The following TUSC3 variants were observed in gnomAD, a reference collection of about 807,000 sequenced individuals.
TUSC3 encodes the protein dolichyl-diphosphooligosaccharide--protein glycosyltransferase subunit TUSC3.
In TUSC3, 45 loss-of-function variants were observed where a neutral mutation model predicts 44.8. That is an observed-to-expected ratio of 1.00 (90% CI 0.79 to 1.29). TUSC3 has a LOEUF of 1.29. Ranked by LOEUF, TUSC3 falls within the 50% of genes most tolerant of loss-of-function variation. The pLI, the probability that TUSC3 is intolerant of heterozygous loss-of-function variation, is 0.00. For synonymous variants in TUSC3, 212 were observed against 152.9 expected (o/e 1.39, Z -2.85); for missense variants, 519 against 437.9 (o/e 1.19, Z -1.65).
intron 1 of TUSC3, among the ~76,000 whole-genome samples, chr8:15,417,796 C>T (rs1462563516): frequency 6.6e-6 from 1 of 152,076 alleles, no homozygotes; most frequent in African/African-American, 2.4e-5. Flanking sequence ...TCCTGATTGG[C>T]GTTGGCTTAT....
intron 2 of TUSC3, among the ~76,000 whole-genome samples, chr8:15,486,563 G>C (rs538983707): frequency 1.3e-5 from 2 of 152,068 alleles, no homozygotes; most frequent in African/African-American, 4.8e-5. Context: ...TTCTGCCTCA[G>C]CCTCCCAAGT....
At chr8:15,602,749 T>G (rs1175802984) in intron 1 of TUSC3, among the ~76,000 whole-genome samples, 1 of 151,292 alleles carries the variant, frequency 6.6e-6, no homozygotes, top group African/African-American at 2.4e-5. Context: ...ATATGGGTTG[T>G]ATGGAACCTA....
chr8:15,667,816 T>C (rs1346420963), intron 5 of TUSC3, among the ~76,000 whole-genome samples: 1 of 151,794 alleles, frequency 6.6e-6, no homozygotes, highest in Non-Finnish European at 1.5e-5. Flanking sequence ...AAATCGCTTA[T>C]GAAAGTTCGT....
At chr8:15,744,533 A>G (rs1036181920) in intron 8 of TUSC3, among the ~76,000 whole-genome samples, 13 of 152,270 alleles carry the variant, frequency 8.5e-5, no homozygotes, top group African/African-American at 2.2e-4. Flanking sequence ...TTTAAAATAA[A>G]AATCCAGACT....
At chr8:15,475,656 A>G (rs1341257145) in intron 1 of TUSC3, among the ~76,000 whole-genome samples, 1 of 152,174 alleles carries the variant, frequency 6.6e-6, no homozygotes, top group Non-Finnish European at 1.5e-5. Context: ...CCATTACAGT[A>G]GCTGTTTTTT....
chr8:15,606,917 T>TCG (rs1804553493), intron 1 of TUSC3, among the ~76,000 whole-genome samples: 2 of 149,840 alleles, frequency 1.3e-5, no homozygotes, highest in African/African-American at 4.9e-5. Context: ...TAATAAAACA[T>TCG]TGTGTGTGTG....
intron 2 of TUSC3, among the ~76,000 whole-genome samples, chr8:15,489,374 TG>T (rs772252725): frequency 1.6e-4 from 24 of 152,180 alleles, no homozygotes; most frequent in Non-Finnish European, 2.8e-4. Flanking sequence ...ATTATGCAGA[TG>T]AAGTCTCACA....
At position 15,488,776 on chromosome 8, in the gene TUSC3, A is replaced by G. The variant is rs565398933; in HGVS notation, n.189+5293A>G. ...TAAGCCAGGAAGGGGTCCTTACCAG[A>G]CACCAAATCTGACGGTGCCTTGATC... On this transcript the variant is annotated intron_variant and non_coding_transcript_variant, in intron 2 of 5. Coordinates refer to the TUSC3 transcript ENST00000503191. Among the ~76,000 whole-genome samples the G allele has an allele frequency of 3.3e-5, 5 of 152,338 alleles. No homozygotes were observed. In the East Asian group the frequency reaches 5.8e-4, roughly 18 times the overall value.
intron 1 of TUSC3, 102 bp downstream of exon 1, chr8:15,540,670 G>A (rs1222343135): frequency 7.0e-7 from 1 of 1,418,476 alleles, no homozygotes. Context: ...CTGGTCGCCG[G>A]CGTGGGCGAT....
chr8:15,573,753 G>A (rs1056068255), intron 1 of TUSC3, among the ~76,000 whole-genome samples: 2 of 152,076 alleles, frequency 1.3e-5, no homozygotes, highest in African/African-American at 4.8e-5. Context: ...CTGCCTCAGG[G>A]AAGCCCTGCT....
intron 2 of TUSC3, among the ~76,000 whole-genome samples, chr8:15,499,264 T>C (rs1800923938): frequency 6.6e-6 from 1 of 152,262 alleles, no homozygotes; most frequent in Non-Finnish European, 1.5e-5. Context: ...TGCATTTCTA[T>C]GTTTTCCTTA....
chr8:15,632,001 C>G (rs990743906), intron 2 of TUSC3, among the ~76,000 whole-genome samples: 3 of 152,114 alleles, frequency 2.0e-5, no homozygotes, highest in Admixed American at 1.3e-4. Context: ...GCCACCGTAC[C>G]CGGCCAAGGC....
At chr8:15,722,769 A>G (rs1810349447) in intron 6 of TUSC3, among the ~76,000 whole-genome samples, 1 of 151,962 alleles carries the variant, frequency 6.6e-6, no homozygotes, top group Non-Finnish European at 1.5e-5. Context: ...ATCATCTTAC[A>G]CTGGTAAGAT....
intron 1 of TUSC3, among the ~76,000 whole-genome samples, chr8:15,562,824 GAC>G (rs1022288170): frequency 6.6e-6 from 1 of 152,246 alleles, no homozygotes; most frequent in African/African-American, 2.4e-5. Flanking sequence ...TCACTTTTGT[GAC>G]ACTTCTTTTA....
intron 1 of TUSC3, among the ~76,000 whole-genome samples, chr8:15,584,647 G>A (rs755391127): frequency 1.3e-5 from 2 of 152,096 alleles, no homozygotes; most frequent in Non-Finnish European, 2.9e-5. Flanking sequence ...GACAAATGAG[G>A]AAGAGTGTGA....
the TUSC3 span, among the ~76,000 whole-genome samples, chr8:15,830,750 A>T: frequency 1.3e-5 from 2 of 152,048 alleles, no homozygotes. Flanking sequence ...CACAAGGGGG[A>T]CTCCAAAGGG....
Position 15,427,016 on chromosome 8 carries a change from T to A in TUSC3, n.91+9711T>A, listed in dbSNP as rs74820283. On this transcript the variant is annotated intron_variant and non_coding_transcript_variant, in intron 1 of 5. Coordinates refer to the TUSC3 transcript ENST00000503191. Reference sequence around the variant, plus strand: ...CCTGGTTGGCATTTGTACGTCTACATTGAAGAAATGTTTAAGTCTTTTACC... The same window carrying A: ...CCTGGTTGGCATTTGTACGTCTACAATGAAGAAATGTTTAAGTCTTTTACC... Among the ~76,000 whole-genome samples the A allele has an allele frequency of 2.4e-4, 37 of 152,160 alleles. 1 individual carries two copies. Among genetic ancestry groups the A allele is most frequent in the African/African-American group, 8.4e-4 (35 of 41,544 alleles).
intron 1 of TUSC3, among the ~76,000 whole-genome samples, chr8:15,462,778 C>G (rs931495686): frequency 1.3e-5 from 2 of 152,030 alleles, no homozygotes; most frequent in African/African-American, 4.8e-5. Flanking sequence ...AAAGCTTTTG[C>G]TTCAGAAATA....
At chr8:15,598,587 G>GTCTGTATCTCACCTAT (rs11275085) in intron 1 of TUSC3, among the ~76,000 whole-genome samples, 2 of 151,200 alleles carry the variant, frequency 1.3e-5, no homozygotes, top group African/African-American at 4.9e-5. Flanking sequence ...CCTAAAACTC[G>GTCTGTATCTCACCTAT]TCATACTTCC....
Sources: gnomAD v4.1 joint callset for allele counts (sites outside exome capture counted in the v4.1 genomes callset) on GRCh38, gnomAD v4.1.1 for gene constraint, MANE v1.5 for transcripts, NCBI Gene and HGNC (gene_info 2026-07-23, HGNC 2026-07-21) for gene names.